DLGAP4: variants seen among roughly 807,000 people sequenced by gnomAD.
DLGAP4 encodes the protein disks large-associated protein 4.
In DLGAP4, 18 loss-of-function variants were observed where a neutral mutation model predicts 86.9. The observed-to-expected ratio is 0.21, with a 90% CI of 0.14 to 0.31. The LOEUF (loss-of-function observed/expected upper bound fraction) is 0.31. Among genes scored for constraint, DLGAP4 ranks in the 10% least tolerant of loss-of-function variants. The pLI, the probability that DLGAP4 is intolerant of heterozygous loss-of-function variation, is 1.00. For missense variants in DLGAP4, 1,085 were observed against 1,362.6 expected (o/e 0.80, Z 3.21); for synonymous variants, 548 against 574.3 (o/e 0.95, Z 0.65).
At chr20:36,437,296 G>T (rs2147554834) in intron 4 of DLGAP4, among the ~76,000 whole-genome samples, 1 of 152,190 alleles carries the variant, frequency 6.6e-6, no homozygotes, top group South Asian at 2.1e-4. Context: ...GGTAAACCCC[G>T]ATCATGAAAG....
intron 1 of DLGAP4, among the ~76,000 whole-genome samples, chr20:36,313,055 G>GCTTC (rs1473990066): frequency 3.3e-5 from 5 of 152,076 alleles, no homozygotes; most frequent in Non-Finnish European, 7.4e-5. Context: ...AACGAGCTGG[G>GCTTC]CTTCCCTCTG....
In DLGAP4 at chr20:36,436,205, A is replaced by T; in HGVS notation, c.1096A>T (p.Ser366Cys). Residue 366 changes from serine to cysteine, a missense_variant, in exon 4 of 13, where the codon AGC (serine) becomes TGC (cysteine). By Grantham distance (112) the Ser-to-Cys change is moderately radical. Coordinates refer to ENST00000339266, the MANE Select transcript of DLGAP4 (RefSeq NM_001365621.2). Reference sequence around the variant, plus strand: ...CCCTATCCCGTGCCGGCGCATGCGCAGCGGCAGCTACATCAAGGCCATGGG... The same window carrying T: ...CCCTATCCCGTGCCGGCGCATGCGCTGCGGCAGCTACATCAAGGCCATGGG... ...EGPIPCRRMR[S>C]GSYIKAMGDE... The T allele has an allele frequency of 6.2e-7, 1 of 1,603,512 alleles. No individual in the cohort carries two copies. The highest frequency in any genetic ancestry group is 8.5e-7 in the Non-Finnish European group (1 of 1,179,072).
chr20:36,409,833 A>G (rs1235740213), intron 2 of DLGAP4, among the ~76,000 whole-genome samples: 1 of 151,920 alleles, frequency 6.6e-6, no homozygotes, highest in Non-Finnish European at 1.5e-5. Flanking sequence ...GGAGATCGAG[A>G]CCATCCTGGC....
At chr20:36,412,942 G>A (rs2032541181) in intron 2 of DLGAP4, among the ~76,000 whole-genome samples, 1 of 149,540 alleles carries the variant, frequency 6.7e-6, no homozygotes, top group African/African-American at 2.5e-5. Context: ...TCACAGTGTT[G>A]TACAGCCATC....
At position 36,496,872 on chromosome 20, in the gene DLGAP4, A is replaced by G. The variant is rs2035909394; in HGVS notation, c.1816A>G (p.Ser606Gly). Residue 606 changes from serine to glycine, a missense_variant, in exon 8 of 13, where the codon AGC (serine) becomes GGC (glycine). This residue lies in a region of DLGAP4 where 1,082 missense variants were observed against 1,344.1 expected (regional missense o/e 0.81). Coordinates refer to ENST00000339266, the MANE Select transcript of DLGAP4 (RefSeq NM_001365621.2). ...CGAGGTGACTAGCCAGTCGGGCCTG[A>G]GCAACTCGTCGGACAGCCTGGACAG... ...KSEVTSQSGLSNSSDSLDSST... is the reference protein window; with the variant it reads ...KSEVTSQSGLGNSSDSLDSST... 6.2e-7 allele frequency: 1 copy of G among 1,614,176 alleles called. No homozygotes were observed. Among genetic ancestry groups the G allele is most frequent in the Admixed American group, 1.7e-5 (1 of 60,030 alleles).
At chr20:36,476,388 C>T (rs749534747) in intron 7 of DLGAP4, among the ~76,000 whole-genome samples, 7 of 132,202 alleles carry the variant, frequency 5.3e-5, no homozygotes, top group East Asian at 2.3e-4. Flanking sequence ...AGTGCAATGG[C>T]GCTCTCTTGG....
At chr20:36,394,388 G>A (rs1451899996) in intron 2 of DLGAP4, among the ~76,000 whole-genome samples, 3 of 152,106 alleles carry the variant, frequency 2.0e-5, no homozygotes, top group South Asian at 2.1e-4. Context: ...TGCCCTGTGG[G>A]GGTGTGAGCT....
chr20:36,343,175 T>G (rs1404735279), intron 1 of DLGAP4, among the ~76,000 whole-genome samples: 1 of 152,168 alleles, frequency 6.6e-6, no homozygotes, highest in Non-Finnish European at 1.5e-5. Flanking sequence ...AAGACCCCTC[T>G]GGCCTCTGTG....
chr20:36,439,817 G>A lies in DLGAP4; in HGVS notation c.1305G>A (p.Glu435=), dbSNP rs748072313. 1.9e-6 allele frequency: 3 copies of A among 1,613,876 alleles called. No homozygotes were observed. The highest frequency in any genetic ancestry group is 2.2e-5 in the South Asian group (2 of 91,080). ...LLPSKCPSWE[E]DYTPVSDSLN... ...CCTCCAAGTGTCCGAGCTGGGAAGA[G>A]GACTACACCCCCGTCAGCGACAGCC... The change falls in exon 5 of 13, where the codon GAG becomes GAA. Residue 435 remains glutamate (E), a synonymous_variant. Coordinates refer to ENST00000339266, the MANE Select transcript of DLGAP4 (RefSeq NM_001365621.2).
chr20:36,336,180 C>T (rs2065320229), intron 1 of DLGAP4, among the ~76,000 whole-genome samples: 1 of 152,188 alleles, frequency 6.6e-6, no homozygotes, highest in East Asian at 1.9e-4. Context: ...GACATCTTTC[C>T]ATGCCCATTT....
At chr20:36,409,453 T>C (rs2032425443) in intron 2 of DLGAP4, among the ~76,000 whole-genome samples, 1 of 149,106 alleles carries the variant, frequency 6.7e-6, no homozygotes, top group South Asian at 2.1e-4. Flanking sequence ...ACATAGGCTG[T>C]GTGCAGTGTC....
intron 2 of DLGAP4, among the ~76,000 whole-genome samples, chr20:36,372,600 T>C (rs985502701): frequency 2.0e-5 from 3 of 151,638 alleles, no homozygotes; most frequent in African/African-American, 7.3e-5. Context: ...GAATCTTAAA[T>C]CTCAGGCAGA....
chr20:36,455,938 G>A (rs1014222411), intron 7 of DLGAP4, among the ~76,000 whole-genome samples: 2 of 152,170 alleles, frequency 1.3e-5, no homozygotes, highest in African/African-American at 4.8e-5. Context: ...AGTCTCCACA[G>A]TGTCAGGGCT....
intron 2 of DLGAP4, among the ~76,000 whole-genome samples, chr20:36,389,699 G>A (rs1182946719): frequency 6.6e-6 from 1 of 152,142 alleles, no homozygotes; most frequent in African/African-American, 2.4e-5. Flanking sequence ...AAAACAAGAT[G>A]ATTCTAGGTT....
At chr20:36,440,188 CA>C (rs1399401196) in intron 5 of DLGAP4, among the ~76,000 whole-genome samples, 2 of 152,160 alleles carry the variant, frequency 1.3e-5, no homozygotes, top group East Asian at 3.9e-4. Context: ...GTTCGAGTCC[CA>C]GTTTTGTCAC....
chr20:36,526,176 C>A, intron 12 of DLGAP4, 170 bp downstream of exon 12: 1 of 917,370 alleles, frequency 1.1e-6, no homozygotes, highest in South Asian at 1.5e-5. Flanking sequence ...GTCTGGCATG[C>A]CGCTTGCTCC....
chr20:36,437,695 G>T (rs1383544363), intron 4 of DLGAP4, among the ~76,000 whole-genome samples: 1 of 152,190 alleles, frequency 6.6e-6, no homozygotes, highest in Non-Finnish European at 1.5e-5. Context: ...AGGAGCCAAG[G>T]CTTCATGGAG....
At chr20:36,326,816 T>G (rs1555891020) in intron 1 of DLGAP4, among the ~76,000 whole-genome samples, 7 of 152,090 alleles carry the variant, frequency 4.6e-5, no homozygotes. Flanking sequence ...CCTTCATTTT[T>G]TTAAGTTATT....
Position 36,432,629 on chromosome 20 carries a change from G to A in DLGAP4, c.912G>A (p.Glu304=), listed in dbSNP as rs1358327725. The A allele has an allele frequency of 2.5e-6, 4 of 1,612,746 alleles. No homozygotes were observed. The highest frequency in any genetic ancestry group is 1.1e-5 in the South Asian group (1 of 90,574). ...WSTLTLSHAH[E]VCQKTSATLD... ...CTCTGACCCTCAGCCACGCCCACGAGGTCTGCCAGAAGACCTCAGCCACCT... is the reference window on the plus strand; with the variant it reads ...CTCTGACCCTCAGCCACGCCCACGAAGTCTGCCAGAAGACCTCAGCCACCT... The change falls in exon 3 of 13, where the codon GAG becomes GAA. Residue 304 remains glutamate, a synonymous_variant. Coordinates refer to ENST00000339266, the MANE Select transcript of DLGAP4 (RefSeq NM_001365621.2). The surrounding 1 kb of genome is among the most constrained non-coding windows in gnomAD (Gnocchi z 6.5).
Sources: gnomAD v4.1 joint callset for allele counts (sites outside exome capture counted in the v4.1 genomes callset) on GRCh38, gnomAD v4.1.1 for gene constraint, gnomAD v4.1.1 regional missense constraint, Gnocchi (gnomAD v3.1) non-coding constraint, MANE v1.5 for transcripts, NCBI Gene and HGNC (gene_info 2026-07-23, HGNC 2026-07-21) for gene names.